DYNC2I1: variants seen among roughly 807,000 people sequenced by gnomAD.
DYNC2I1 encodes cytoplasmic dynein 2 intermediate chain 1.
A neutral mutation model predicts 133.4 loss-of-function variants in DYNC2I1; 89 were observed. The ratio of observed to expected loss-of-function variants is 0.67; its 90% CI spans 0.56 to 0.80. DYNC2I1 has a LOEUF of 0.80. Among genes scored for constraint, DYNC2I1 ranks in the 30% least tolerant of loss-of-function variants. The pLI, the probability that DYNC2I1 is intolerant of heterozygous loss-of-function variation, is 0.00. For synonymous variants in DYNC2I1, 504 were observed against 484.3 expected (o/e 1.04, Z -0.54); for missense variants, 1,291 against 1,314.5 (o/e 0.98, Z 0.28).
chr7:158,918,979 A>G (rs573791745), intron 15 of DYNC2I1, 110 bp downstream of exon 15: 2 of 1,217,040 alleles, frequency 1.6e-6, no homozygotes, highest in East Asian at 2.6e-5. Flanking sequence ...TTTAATGTAC[A>G]TAAAACTGAG....
intron 24 of DYNC2I1, among the ~76,000 whole-genome samples, chr7:158,942,593 TGTGA>T (rs1311194288): frequency 6.6e-6 from 1 of 152,272 alleles, no homozygotes; most frequent in Non-Finnish European, 1.5e-5. Flanking sequence ...ATTAGTGTTC[TGTGA>T]GTAAGAAATG....
chr7:158,868,095 G>C (rs1218330070), intron 1 of DYNC2I1, among the ~76,000 whole-genome samples: 2 of 152,172 alleles, frequency 1.3e-5, no homozygotes, highest in African/African-American at 2.4e-5. Flanking sequence ...AAAACAAAAA[G>C]ACGATGATGA....
intron 15 of DYNC2I1, among the ~76,000 whole-genome samples, chr7:158,921,853 T>A (rs1849130492): frequency 6.6e-6 from 1 of 152,326 alleles, no homozygotes; most frequent in Admixed American, 6.5e-5. Context: ...TCTGCTGATG[T>A]GTGAGAGCTG....
intron 20 of DYNC2I1, 50 bp from the exon 21 acceptor site, chr7:158,930,405 G>T: frequency 1.3e-6 from 2 of 1,506,474 alleles, no homozygotes; most frequent in South Asian, 2.4e-5. Context: ...ACTAGATTTT[G>T]ATTTAGCTTC....
chr7:158,843,284 G>A, the DYNC2I1 span, among the ~76,000 whole-genome samples: 7 of 152,050 alleles, frequency 4.6e-5, no homozygotes. Context: ...TTTCGAGATG[G>A]AGTTTCGCTC....
chr7:158,909,293 T>TGCACTACA (rs1847144406), intron 11 of DYNC2I1, among the ~76,000 whole-genome samples: 1 of 126,122 alleles, frequency 7.9e-6, no homozygotes, highest in Admixed American at 1.1e-4. Flanking sequence ...ATCGCACCAC[T>TGCACTACA]GCACTACAGC....
Position 158,887,082 on chromosome 7 carries a change from C to T in DYNC2I1, c.990+7C>T. On this transcript the variant is annotated splice_region_variant and intron_variant, in intron 7 of 24. Transcript: ENST00000407559. ...TAAAGATTCAAGACGGAAGGTAAGG[C>T]AGTCTCCACTGAGAATACATTGATT... 6.2e-7 allele frequency: 1 copy of T among 1,612,666 alleles called. No individual in the cohort carries two copies.
Position 158,945,822 on chromosome 7 carries a change from T to A in DYNC2I1, c.*43T>A. 6.8e-7 allele frequency: 1 copy of A among 1,465,498 alleles called. No homozygotes were observed. Among genetic ancestry groups the A allele is most frequent in the Non-Finnish European group, 9.0e-7 (1 of 1,106,074 alleles). 90.8% of individuals were successfully genotyped at this position (1,465,498 alleles called of 1,614,324 possible). ...ACCGCGTTTCTGTAATGACCCAGATTTAAAAGACATAAGGTGGATAATTCT... is the reference window on the plus strand; with the variant it reads ...ACCGCGTTTCTGTAATGACCCAGATATAAAAGACATAAGGTGGATAATTCT... On this transcript the variant is annotated 3_prime_UTR_variant, in exon 25 of 25. Coordinates refer to ENST00000407559, the MANE Select transcript of DYNC2I1 (RefSeq NM_018051.5). This position sits in a 1 kb window ranked among gnomAD's most constrained non-coding sequence, Gnocchi z 4.1.
intron 8 of DYNC2I1, among the ~76,000 whole-genome samples, chr7:158,897,706 A>G (rs191564733): frequency 1.4e-4 from 21 of 152,168 alleles, no homozygotes; most frequent in Admixed American, 1.2e-3. Flanking sequence ...TTTTGATTTC[A>G]TTGATTTTTC....
rs760704544 is a variant in DYNC2I1, at chr7:158,879,777, C to G, written c.667C>G (p.Arg223Gly). Residue 223 changes from arginine to glycine, a missense_variant, in exon 5 of 25, where the codon CGA becomes GGA. Coordinates refer to ENST00000407559, the MANE Select transcript of DYNC2I1 (RefSeq NM_018051.5). The part of the protein sequence containing the change: ...RRHRKPREPD[R>G]DNKHREKSST... ...ACACAGGAAGCCCAGAGAGCCAGAT[C>G]GAGACAACAAACACCGAGAAAAAAG... 1.1e-5 allele frequency: 18 copies of G among 1,610,858 alleles called. No homozygotes were observed. Among genetic ancestry groups the G allele is most frequent in the Non-Finnish European group, 1.4e-5 (17 of 1,179,270 alleles).
rs959791778 is a variant in DYNC2I1, at chr7:158,945,494, A to T, written c.3003-87A>T. 2 of 1,375,950 alleles carry T rather than the reference A, an allele frequency of 1.5e-6. No individual in the cohort carries two copies. Among genetic ancestry groups the T allele is most frequent in the South Asian group, 1.4e-5 (1 of 72,266 alleles). The allele number at this position is 1,375,950 out of a possible 1,614,324, so 85.2% of individuals were successfully genotyped here. A position where few individuals can be genotyped will look rare whatever the true frequency, so the allele number is the denominator to read the frequency against. On this transcript the variant is annotated intron_variant, in intron 24 of 24. Transcript: ENST00000407559. The surrounding 1 kb of genome is among the most constrained non-coding windows in gnomAD (Gnocchi z 4.1). Reference sequence around the variant, plus strand: ...ATTTCTCATCCGTTTCACTCTTCCCATGGAAGGTAGACATTTTGAAGACTC... The same window carrying T: ...ATTTCTCATCCGTTTCACTCTTCCCTTGGAAGGTAGACATTTTGAAGACTC...
chr7:158,870,967 G>A (rs944919994), intron 2 of DYNC2I1, among the ~76,000 whole-genome samples, 175 bp from the exon 3 acceptor site: 14 of 152,208 alleles, frequency 9.2e-5, no homozygotes, highest in Non-Finnish European at 5.9e-5. Flanking sequence ...AGTGTTCTAA[G>A]AACATCCATG....
At chr7:158,909,101 CG>C (rs1847124763) in intron 11 of DYNC2I1, among the ~76,000 whole-genome samples, 1 of 152,030 alleles carries the variant, frequency 6.6e-6, no homozygotes, top group Admixed American at 6.5e-5. Flanking sequence ...AAGACTGAGG[CG>C]GGCGGATCAC....
chr7:158,852,409 C>T (rs1584913007), upstream of DYNC2I1, among the ~76,000 whole-genome samples: 2 of 151,648 alleles, frequency 1.3e-5, no homozygotes, highest in African/African-American at 2.4e-5. Context: ...CATGAGCCAC[C>T]GCGCCCGGCC....
chr7:158,873,800 A>G (rs1009572847), intron 3 of DYNC2I1, among the ~76,000 whole-genome samples: 1 of 152,158 alleles, frequency 6.6e-6, no homozygotes, highest in South Asian at 2.1e-4. Context: ...TCTGTTGCCC[A>G]GGCTGGAGTG....
chr7:158,914,181 A>T (rs184862718), intron 13 of DYNC2I1, 52 bp from the exon 14 acceptor site: 1 of 1,463,796 alleles, frequency 6.8e-7, no homozygotes, highest in East Asian at 2.4e-5. Flanking sequence ...TGTGTAATGC[A>T]TGATTATTTT....
At chr7:158,934,291 A>G (rs1850530588) in intron 22 of DYNC2I1, 63 bp downstream of exon 22, 1 of 1,548,068 alleles carries the variant, frequency 6.5e-7, no homozygotes, top group African/African-American at 1.4e-5. Flanking sequence ...CTTACCTGAT[A>G]AATATCTTGA....
In DYNC2I1 at chr7:158,856,623, C is replaced by T. The variant is rs370960900; in HGVS notation, c.-113C>T. The T allele has an allele frequency of 1.1e-3, 1,192 of 1,121,100 alleles. 11 individuals are homozygous for T. The African/African-American group carries it at 0.017, about 16-fold the overall frequency. The allele number at this position is 1,121,100 out of a possible 1,614,324, so 69.4% of individuals were successfully genotyped here. A position where few individuals can be genotyped will look rare whatever the true frequency, so the allele number is the denominator to read the frequency against. ...CTCTGCTGCTCCTGCTTGTCGGTTG[C>T]TAGGCGCTGGGACGCGCCTCCCGAA... is the stretch of plus-strand genomic sequence containing the variant. On this transcript the variant is annotated 5_prime_UTR_variant, in exon 1 of 25. Transcript: ENST00000407559.
intron 24 of DYNC2I1, among the ~76,000 whole-genome samples, chr7:158,942,378 C>T (rs921241974): frequency 6.6e-6 from 1 of 152,170 alleles, no homozygotes; most frequent in Non-Finnish European, 1.5e-5. Flanking sequence ...GCACCCTGTC[C>T]CACATCCCGG....
Sources: gnomAD v4.1 joint callset for allele counts (sites outside exome capture counted in the v4.1 genomes callset) on GRCh38, gnomAD v4.1.1 for gene constraint, Gnocchi (gnomAD v3.1) non-coding constraint, MANE v1.5 for transcripts, NCBI Gene and HGNC (gene_info 2026-07-23, HGNC 2026-07-21) for gene names.